The following RBM47 variants were observed in gnomAD, a reference collection of about 807,000 sequenced individuals.
RBM47 encodes the protein RNA binding motif protein 47.
In RBM47, 21 loss-of-function variants were observed where a neutral mutation model predicts 47.1. The observed-to-expected ratio is 0.45, with a 90% CI of 0.32 to 0.64. RBM47 has a LOEUF of 0.64. Among genes scored for constraint, RBM47 ranks in the 30% least tolerant of loss-of-function variants. The pLI is 0.05. For missense variants in RBM47, 708 were observed against 870.9 expected, an observed-to-expected ratio of 0.81 and a Z score of 2.35; for synonymous variants, 375 against 361.7, an observed-to-expected ratio of 1.04 and a Z score of -0.42.
chr4:40,539,601 G>A (rs190240756), intron 2 of RBM47, among the ~76,000 whole-genome samples: 182 of 151,846 alleles, frequency 1.2e-3, no homozygotes, highest in African/African-American at 4.1e-3. Context: ...TTAGCCGAGC[G>A]TGGTGGCAGG....
At chr4:40,437,163 T>TATATATATAATAC (rs1172436865) in intron 4 of RBM47, among the ~76,000 whole-genome samples, 4 of 135,480 alleles carry the variant, frequency 3.0e-5, no homozygotes, top group African/African-American at 1.2e-4. Context: ...AATACATATA[T>TATATATATAATAC]ATATATATAA....
chr4:40,516,547 A>G (rs1725604030), intron 2 of RBM47, among the ~76,000 whole-genome samples: 2 of 152,146 alleles, frequency 1.3e-5, no homozygotes, highest in South Asian at 4.1e-4. Context: ...GGCATGAGCC[A>G]CCATGCCTGG....
At chr4:40,626,761 C>G (rs1465310478) in intron 1 of RBM47, among the ~76,000 whole-genome samples, 4 of 152,240 alleles carry the variant, frequency 2.6e-5, no homozygotes, top group African/African-American at 9.6e-5. Flanking sequence ...GAAACAGAAG[C>G]AATCAGAACT....
In RBM47 at chr4:40,588,592, G is replaced by A. The variant is rs190534106; in HGVS notation, c.-240+40804C>T. Among the ~76,000 whole-genome samples, 8 of 152,230 alleles carry A rather than the reference G, an allele frequency of 5.3e-5. No homozygotes were observed. The East Asian group carries it at 1.3e-3, about 26-fold the overall frequency. ...GGGATGAGAGCCTAGAAGGTATGGT[G>A]GTAGCTAGACTTCGATCCAGCACAC... On this transcript the variant is annotated intron_variant, in intron 1 of 6. Coordinates refer to ENST00000295971, the MANE Select transcript of RBM47 (RefSeq NM_001098634.2).
intron 3 of RBM47, among the ~76,000 whole-genome samples, chr4:40,459,945 G>A (rs1468103009): frequency 2.0e-5 from 3 of 152,062 alleles, no homozygotes; most frequent in Non-Finnish European, 1.5e-5. Flanking sequence ...TAGTAGAGAC[G>A]GGGTTTCACC....
chr4:40,433,638 T>C (rs949780231), intron 5 of RBM47, among the ~76,000 whole-genome samples: 1 of 152,172 alleles, frequency 6.6e-6, no homozygotes, highest in Admixed American at 6.6e-5. Flanking sequence ...ACTGCCTTTT[T>C]TTCACTTTCA....
intron 2 of RBM47, among the ~76,000 whole-genome samples, chr4:40,503,413 G>GGTAA (rs1022490824): frequency 6.6e-6 from 1 of 152,154 alleles, no homozygotes; most frequent in Non-Finnish European, 1.5e-5. Flanking sequence ...TGAAAGAGGA[G>GGTAA]GAGTGGGTAC....
chr4:40,552,077 CAT>C (rs1729615791), intron 1 of RBM47, among the ~76,000 whole-genome samples: 1 of 152,032 alleles, frequency 6.6e-6, no homozygotes, highest in South Asian at 2.1e-4. Context: ...AAAAGAAAAA[CAT>C]AGAGGCCCTA....
intron 1 of RBM47, among the ~76,000 whole-genome samples, chr4:40,575,606 A>C (rs933188797): frequency 6.6e-6 from 1 of 151,916 alleles, no homozygotes; most frequent in Non-Finnish European, 1.5e-5. Context: ...AGTCTCCCCA[A>C]GTTAACTGAA....
chr4:40,531,339 T>C (rs1242614269), intron 2 of RBM47, among the ~76,000 whole-genome samples: 1 of 150,238 alleles, frequency 6.7e-6, no homozygotes, highest in African/African-American at 2.5e-5. Flanking sequence ...GGACAAAGAG[T>C]ATGGGGTTCT....
chr4:40,431,085 CAAAAATCA>C (rs1392950277), intron 6 of RBM47, among the ~76,000 whole-genome samples: 1 of 149,886 alleles, frequency 6.7e-6, no homozygotes, highest in African/African-American at 2.4e-5. Context: ...AATCAAAAAT[CAAAAATCA>C]AAAAAAGTGG....
At chr4:40,528,957 T>TA (rs1560447657) in intron 2 of RBM47, among the ~76,000 whole-genome samples, 1 of 143,888 alleles carries the variant, frequency 6.9e-6, no homozygotes, top group African/African-American at 2.6e-5. Flanking sequence ...AAAAAATAAA[T>TA]AAATAAATAA....
At chr4:40,531,267 G>A (rs896192827) in intron 2 of RBM47, among the ~76,000 whole-genome samples, 4 of 151,984 alleles carry the variant, frequency 2.6e-5, no homozygotes, top group South Asian at 2.1e-4. Flanking sequence ...GAGTGATCAG[G>A]GTGGTCTGGC....
intron 1 of RBM47, among the ~76,000 whole-genome samples, chr4:40,569,070 G>A (rs991718623): frequency 6.6e-6 from 1 of 151,722 alleles, no homozygotes; most frequent in African/African-American, 2.4e-5. Flanking sequence ...TAGTATATGT[G>A]GTCTGGGAGG....
chr4:40,545,331 G>A (rs968434998), intron 1 of RBM47, among the ~76,000 whole-genome samples: 2 of 148,846 alleles, frequency 1.3e-5, no homozygotes, highest in Non-Finnish European at 3.0e-5. Context: ...GATTACAGGC[G>A]TGAGCCACGG....
chr4:40,442,808 G>A (rs1713859773), intron 3 of RBM47, among the ~76,000 whole-genome samples: 1 of 151,996 alleles, frequency 6.6e-6, no homozygotes, highest in African/African-American at 2.4e-5. Context: ...CAAGTAACTG[G>A]GACTACAGGC....
intron 1 of RBM47, among the ~76,000 whole-genome samples, chr4:40,594,904 G>A (rs941742622): frequency 3.3e-5 from 5 of 152,100 alleles, no homozygotes; most frequent in South Asian, 2.1e-4. Context: ...AGAGCACCTC[G>A]AGGTTGAAGA....
At chr4:40,619,925 C>T (rs569504543) in intron 1 of RBM47, among the ~76,000 whole-genome samples, 6 of 152,274 alleles carry the variant, frequency 3.9e-5, no homozygotes, top group Admixed American at 6.5e-5. Flanking sequence ...AGGCCAAACA[C>T]GGTGTCTCAC....
At chr4:40,532,394 C>T (rs534174475) in intron 2 of RBM47, among the ~76,000 whole-genome samples, 24 of 146,236 alleles carry the variant, frequency 1.6e-4, no homozygotes, top group African/African-American at 5.6e-4. Flanking sequence ...CTCATTACAA[C>T]CTCCACCTCC....
Sources: allele counts gnomAD v4.1 joint callset (sites outside exome capture counted in the v4.1 genomes callset), GRCh38; gene constraint gnomAD v4.1.1; transcripts MANE v1.5; gene names NCBI Gene and HGNC (gene_info 2026-07-23, HGNC 2026-07-21).